The following FARP2 variants were observed in gnomAD, a reference collection of about 807,000 sequenced individuals.
The protein encoded by FARP2 is FERM, ARH/RhoGEF and pleckstrin domain protein 2.
Under a neutral mutation model 130.5 loss-of-function variants are expected in FARP2, and 111 were observed. The observed-to-expected ratio is 0.85, with a 90% confidence interval of 0.73 to 1.00. The LOEUF (loss-of-function observed/expected upper bound fraction) is 1.00, where lower values mean the gene tolerates loss of function less well. Ranked by LOEUF, FARP2 falls within the 50% of genes least tolerant of loss-of-function variation. The pLI is 0.00. For synonymous variants in FARP2, 504 were observed against 516.9 expected (o/e 0.98, Z 0.34); for missense variants, 1,385 against 1,346.3 (o/e 1.03, Z -0.45).
chr2:241,391,370 G>A (rs1178524909), intron 2 of FARP2, among the ~76,000 whole-genome samples: 1 of 152,184 alleles, frequency 6.6e-6, no homozygotes, highest in African/African-American at 2.4e-5. Flanking sequence ...GTGAAGCGGG[G>A]CCTCCTTCAC....
At chr2:241,493,195 G>A (rs1213517243) in intron 25 of FARP2, 98 bp from the exon 26 acceptor site, 3 of 1,407,278 alleles carry the variant, frequency 2.1e-6, no homozygotes, top group African/African-American at 2.8e-5. Context: ...TTGGCCCGTG[G>A]GCATTTGTAC....
intron 13 of FARP2, among the ~76,000 whole-genome samples, chr2:241,453,800 T>TGAGA (rs2063758312): frequency 1.1e-5 from 1 of 89,872 alleles, no homozygotes; most frequent in Admixed American, 1.5e-4. Context: ...TTTTTTTTTT[T>TGAGA]TGAGATGGGG....
At position 241,441,335 on chromosome 2, in the gene FARP2, C is replaced by G; in HGVS notation, c.1190C>G (p.Pro397Arg). Residue 397 changes from proline (P) to arginine (R), a missense_variant, in exon 13 of 27, where the codon CCT (proline) becomes CGT (arginine). By Grantham distance (103) the Pro-to-Arg change is moderately radical (BLOSUM62 -2). Coordinates refer to ENST00000264042, the MANE Select transcript of FARP2 (RefSeq NM_014808.4). Reference sequence around the variant, plus strand: ...TCATTCCCCGAGGGATTGAGGACTCCTGCCTCCCCATCTTCAGCGAATGCC... The same window carrying G: ...TCATTCCCCGAGGGATTGAGGACTCGTGCCTCCCCATCTTCAGCGAATGCC... Reference protein sequence around the residue: ...SISFPEGLRTPASPSSANAFY... With the variant: ...SISFPEGLRTRASPSSANAFY... 6.2e-7 allele frequency: 1 copy of G among 1,610,770 alleles called. No individual in the cohort carries two copies. The highest frequency in any genetic ancestry group is 8.5e-7 in the Non-Finnish European group (1 of 1,177,386).
chr2:241,424,247 A>G (rs1296649150), intron 8 of FARP2, among the ~76,000 whole-genome samples: 1 of 152,234 alleles, frequency 6.6e-6, no homozygotes, highest in Non-Finnish European at 1.5e-5. Flanking sequence ...AAGAACTGAA[A>G]TCATAACAAA....
intron 1 of FARP2, among the ~76,000 whole-genome samples, chr2:241,366,505 A>T (rs1201973159): frequency 6.6e-6 from 1 of 152,044 alleles, no homozygotes; most frequent in Non-Finnish European, 1.5e-5. Flanking sequence ...ATTTTCAAAT[A>T]TTAGTTATGT....
At chr2:241,473,515 G>T (rs1454538020) in intron 18 of FARP2, among the ~76,000 whole-genome samples, 1 of 152,214 alleles carries the variant, frequency 6.6e-6, no homozygotes, top group African/African-American at 2.4e-5. Flanking sequence ...CGTGCCATCA[G>T]GTCCAAAATG....
Position 241,413,307 on chromosome 2 carries a change from CGGAAATA to C in FARP2, c.513_519del (p.Gly173ThrfsTer12). 6.3e-7 allele frequency: 1 copy of C among 1,594,598 alleles called. No homozygotes were observed. Among genetic ancestry groups the C allele is most frequent in the South Asian group, 1.1e-5 (1 of 88,064 alleles). ...GTTACTTACTTTTAACCTATCTCAG[CGGAAATA>C]GGAGATTACGATGAAACGCTGGACC... On this transcript the variant is annotated frameshift_variant and splice_region_variant, in exon 7 of 27. Transcript: ENST00000264042. LOFTEE classifies it high-confidence loss of function.
chr2:241,415,356 G>T (rs2062637951), intron 7 of FARP2, among the ~76,000 whole-genome samples: 1 of 152,160 alleles, frequency 6.6e-6, no homozygotes. Context: ...CTAGTGTTGT[G>T]TGCCATCCCA....
chr2:241,465,324 A>T, intron 17 of FARP2: 1 of 702,286 alleles, frequency 1.4e-6, no homozygotes, highest in Non-Finnish European at 2.5e-6. Flanking sequence ...TCCTCAGAAC[A>T]TCATTCTCAG....
intron 8 of FARP2, among the ~76,000 whole-genome samples, chr2:241,427,826 C>T (rs973070196): frequency 2.0e-4 from 31 of 151,940 alleles, no homozygotes; most frequent in Non-Finnish European, 4.3e-4. Context: ...AGTACAGTGG[C>T]GCGATCTCAG....
At chr2:241,464,428 C>T (rs1349172492) in intron 17 of FARP2, among the ~76,000 whole-genome samples, 1 of 151,614 alleles carries the variant, frequency 6.6e-6, no homozygotes, top group Admixed American at 6.6e-5. Context: ...ACAGCATCCC[C>T]TCAGAGCAGG....
At chr2:241,370,604 AAATT>A (rs2061403804) in intron 1 of FARP2, among the ~76,000 whole-genome samples, 1 of 152,218 alleles carries the variant, frequency 6.6e-6, no homozygotes, top group African/African-American at 2.4e-5. Flanking sequence ...GCACTCATAA[AAATT>A]AAGTAAAAGT....
intron 11 of FARP2, among the ~76,000 whole-genome samples, chr2:241,435,932 A>C (rs1473431389): frequency 3.5e-5 from 2 of 56,918 alleles, no homozygotes; most frequent in Non-Finnish European, 6.6e-5. Flanking sequence ...TTTTTTTTTG[A>C]GATGGAGTCT....
intron 24 of FARP2, 112 bp downstream of exon 24, chr2:241,491,791 A>G (rs2064923663): frequency 1.9e-6 from 2 of 1,045,108 alleles, no homozygotes; most frequent in Non-Finnish European, 2.7e-6. Context: ...GCTTGGCCCC[A>G]GAGGACTGCC....
chr2:241,434,110 TC>T, intron 9 of FARP2, 47 bp from the exon 10 acceptor site: 6 of 1,409,750 alleles, frequency 4.3e-6, no homozygotes, highest in Non-Finnish European at 4.9e-6. Flanking sequence ...CTTTCTCTTG[TC>T]CAATACTTCA....
intron 2 of FARP2, among the ~76,000 whole-genome samples, chr2:241,398,483 C>T (rs2062084256): frequency 1.3e-5 from 2 of 152,032 alleles, no homozygotes; most frequent in South Asian, 4.1e-4. Flanking sequence ...ATTGTAAAAA[C>T]AAATCACTGT....
At chr2:241,367,678 A>G (rs530149950) in intron 1 of FARP2, among the ~76,000 whole-genome samples, 1 of 152,250 alleles carries the variant, frequency 6.6e-6, no homozygotes, top group East Asian at 1.9e-4. Flanking sequence ...ACAGTGAAAA[A>G]TATTTTAGGA....
At chr2:241,398,844 C>T (rs1253226506) in intron 2 of FARP2, among the ~76,000 whole-genome samples, 2 of 152,226 alleles carry the variant, frequency 1.3e-5, no homozygotes, top group South Asian at 2.1e-4. Flanking sequence ...GCTAGGATTA[C>T]AGGCGTGAGC....
chr2:241,411,153 G>A (rs1240061425), intron 6 of FARP2, 23 bp downstream of exon 6: 2 of 1,545,100 alleles, frequency 1.3e-6, no homozygotes, highest in Non-Finnish European at 8.9e-7. Flanking sequence ...CCGCCAGCGG[G>A]GAGCATTCAC....
Sources: allele counts gnomAD v4.1 joint callset (sites outside exome capture counted in the v4.1 genomes callset), GRCh38; gene constraint gnomAD v4.1.1; transcripts MANE v1.5; gene names NCBI Gene and HGNC (gene_info 2026-07-23, HGNC 2026-07-21).